GLIS3: variants seen among roughly 807,000 people sequenced by gnomAD.
GLIS3 encodes the protein GLIS family zinc finger 3.
In GLIS3, 53 loss-of-function variants were observed where a neutral mutation model predicts 78.6. That is an observed-to-expected ratio of 0.67 (90% CI 0.54 to 0.85). GLIS3 has a LOEUF of 0.85. GLIS3 is among the 40% of genes least tolerant of loss of function. GLIS3 has a pLI of 0.00. For missense variants in GLIS3, 1,703 were observed against 1,231.1 expected, an observed-to-expected ratio of 1.38 and a Z score of -5.74; for synonymous variants, 684 against 509.9, an observed-to-expected ratio of 1.34 and a Z score of -4.60.
rs939776588 is a variant in GLIS3 at position 4,101,286 on chromosome 9, G to T, written c.1710+16482C>A. On this transcript the variant is annotated intron_variant, in intron 4 of 10. Transcript: ENST00000381971. ...AGTGCTTTGTAAACTTGACTTCAAT[G>T]GAAGATGTTACTCTCTGGGGTATAG... Among the ~76,000 whole-genome samples the T allele has an allele frequency of 2.0e-5, 3 of 152,150 alleles. No individual in the cohort carries two copies. The East Asian group carries it at 5.8e-4, about 29-fold the overall frequency.
At chr9:4,168,439 A>G (rs80068164) in intron 2 of GLIS3, among the ~76,000 whole-genome samples, 5,541 of 152,292 alleles carry the variant, frequency 0.036, 129 homozygotes, top group Middle Eastern at 0.092. Flanking sequence ...TCTGTGTATC[A>G]TATGCAAAGA....
At chr9:4,210,308 C>T (rs1485244850) in intron 2 of GLIS3, among the ~76,000 whole-genome samples, 3 of 152,154 alleles carry the variant, frequency 2.0e-5, no homozygotes, top group Admixed American at 2.0e-4. Context: ...CAGAAAGTAA[C>T]CATCAGATTA....
intron 2 of GLIS3, among the ~76,000 whole-genome samples, chr9:4,243,594 T>C (rs1397480279): frequency 6.6e-6 from 1 of 152,232 alleles, no homozygotes; most frequent in Admixed American, 6.5e-5. Context: ...TTTGGGATAA[T>C]ATAGCCTAGA....
At chr9:3,926,562 A>C (rs879385447) in intron 6 of GLIS3, among the ~76,000 whole-genome samples, 1 of 150,464 alleles carries the variant, frequency 6.6e-6, no homozygotes. Flanking sequence ...CAGCCAATCT[A>C]TATTTTTTCA....
the GLIS3 span, among the ~76,000 whole-genome samples, chr9:4,410,340 A>G: frequency 6.6e-6 from 1 of 152,202 alleles, no homozygotes. Flanking sequence ...ACAGAGAAGC[A>G]GTTGTTTTTT....
rs74777663 is a variant in GLIS3 at position 4,338,024 on chromosome 9, CTGTGTGTGTG to C, written n.264+9047_264+9056del. On this transcript the variant is annotated intron_variant and non_coding_transcript_variant, in intron 2 of 4. Coordinates refer to the GLIS3 transcript ENST00000471664. ...TGTCTAACTGGTAAGATTGGCAAGG[CTGTGTGTGTG>C]TGTGTGTGTGTGTGTGTGTGTGTGT... Among the ~76,000 whole-genome samples, 59 of 139,078 alleles carry C rather than the reference CTGTGTGTGTG, an allele frequency of 4.2e-4. 1 individual carries two copies. The highest frequency in any genetic ancestry group is 1.8e-3 in the Admixed American group (25 of 14,210). 91.2% of individuals were successfully genotyped at this position (139,078 alleles called of 152,430 possible). A position where few individuals can be genotyped will look rare whatever the true frequency, so the allele number is the denominator to read the frequency against.
intron 2 of GLIS3, among the ~76,000 whole-genome samples, chr9:4,250,141 G>C (rs551814833): frequency 6.6e-6 from 1 of 152,200 alleles, no homozygotes; most frequent in Non-Finnish European, 1.5e-5. Flanking sequence ...CATAAAATGA[G>C]TTAGGGAGGA....
rs79658720 is a variant in GLIS3 at position 4,113,303 on chromosome 9, T to G, written c.1710+4465A>C. On this transcript the variant is annotated intron_variant, in intron 4 of 10. Transcript: ENST00000381971. ...TTGAAAAACAAAAGCAATAAACACC[T>G]TTTCTCATGTCTCCTTGCCACCATA... is the stretch of plus-strand genomic sequence containing the variant. Among the ~76,000 whole-genome samples, 1,348 of 152,246 alleles carry G rather than the reference T, an allele frequency of 8.9e-3. 68 individuals are homozygous for G. Among genetic ancestry groups the G allele is most frequent in the Admixed American group, 0.078 (1,197 of 15,278 alleles).
At chr9:4,113,102 C>A (rs1165962359) in intron 4 of GLIS3, among the ~76,000 whole-genome samples, 1 of 151,720 alleles carries the variant, frequency 6.6e-6, no homozygotes, top group Non-Finnish European at 1.5e-5. Flanking sequence ...ACTATATATA[C>A]CCTTTTGCAC....
chr9:4,008,837 G>T (rs771750608), intron 4 of GLIS3, among the ~76,000 whole-genome samples: 1 of 152,132 alleles, frequency 6.6e-6, no homozygotes, highest in East Asian at 1.9e-4. Flanking sequence ...ACCTTTTATA[G>T]GTGAGGAAAT....
intron 1 of GLIS3, among the ~76,000 whole-genome samples, chr9:4,291,505 T>C (rs1587330999): frequency 6.6e-6 from 1 of 152,076 alleles, no homozygotes; most frequent in African/African-American, 2.4e-5. Context: ...GTTTATAGAG[T>C]GAAAGGACTG....
intron 2 of GLIS3, among the ~76,000 whole-genome samples, chr9:4,160,417 G>A (rs1330819928): frequency 6.6e-6 from 1 of 152,242 alleles, no homozygotes; most frequent in Non-Finnish European, 1.5e-5. Flanking sequence ...TCTGATGCCA[G>A]GAAAATGCCT....
chr9:3,878,201 C>G (rs1329796313), intron 8 of GLIS3, among the ~76,000 whole-genome samples: 1 of 152,048 alleles, frequency 6.6e-6, no homozygotes, highest in Non-Finnish European at 1.5e-5. Context: ...TCCCTCACCC[C>G]CGAGACAGAT....
chr9:4,307,054 A>T (rs1215680482), intron 4 of GLIS3, among the ~76,000 whole-genome samples: 9 of 152,220 alleles, frequency 5.9e-5, no homozygotes, highest in African/African-American at 2.2e-4. Flanking sequence ...TGTTTAAGAC[A>T]CAGTTTAGTT....
intron 2 of GLIS3, among the ~76,000 whole-genome samples, chr9:4,133,825 TACACACACACACACAC>T (rs138728219): frequency 1.1e-4 from 13 of 121,800 alleles, no homozygotes; most frequent in East Asian, 2.1e-4. Context: ...CAAGACCTTC[TACACACACACACACAC>T]ACACACACAC....
At chr9:4,354,388 G>T in the GLIS3 span, among the ~76,000 whole-genome samples, 1 of 152,148 alleles carries the variant, frequency 6.6e-6, no homozygotes, top group Non-Finnish European at 1.5e-5. Context: ...CAGGCATGGG[G>T]TCCCTAGCCA....
At chr9:3,918,277 C>G (rs896434021) in intron 6 of GLIS3, among the ~76,000 whole-genome samples, 1 of 152,106 alleles carries the variant, frequency 6.6e-6, no homozygotes, top group African/African-American at 2.4e-5. Context: ...TAAGAAGGAC[C>G]AACAAGAACT....
chr9:4,345,448 A>G (rs1817885654), intron 2 of GLIS3, among the ~76,000 whole-genome samples: 1 of 152,188 alleles, frequency 6.6e-6, no homozygotes, highest in Admixed American at 6.5e-5. Context: ...CTCTCCCATT[A>G]GAATGCAAGT....
At chr9:3,874,381 C>T (rs770901002) in intron 8 of GLIS3, among the ~76,000 whole-genome samples, 16 of 152,296 alleles carry the variant, frequency 1.1e-4, no homozygotes, top group Non-Finnish European at 1.9e-4. Context: ...TGTCCCTTCC[C>T]GTATGCCTTG....
Sources: gnomAD v4.1 joint callset for allele counts (sites outside exome capture counted in the v4.1 genomes callset) on GRCh38, gnomAD v4.1.1 for gene constraint, MANE v1.5 for transcripts, NCBI Gene and HGNC (gene_info 2026-07-23, HGNC 2026-07-21) for gene names.